The following PAXBP1 variants were observed in gnomAD, a reference collection of about 807,000 sequenced individuals.
PAXBP1 encodes the protein PAX3 and PAX7 binding protein 1, also known as PAX3- and PAX7-binding protein 1.
PAXBP1 carries 44 observed loss-of-function variants against 119.9 expected under a neutral mutation model. That is an observed-to-expected ratio of 0.37 (90% CI 0.29 to 0.47). The LOEUF (loss-of-function observed/expected upper bound fraction) is 0.47. Ranked by LOEUF, PAXBP1 falls within the 20% of genes least tolerant of loss-of-function variation. PAXBP1 has a pLI of 0.99. For synonymous variants in PAXBP1, 393 were observed against 406.6 expected, an observed-to-expected ratio of 0.97 and a Z score of 0.40; for missense variants, 898 against 1,134.1, an observed-to-expected ratio of 0.79 and a Z score of 2.99.
At chr21:32,768,505 C>T (rs146926279) in intron 2 of PAXBP1, among the ~76,000 whole-genome samples, 1 of 152,164 alleles carries the variant, frequency 6.6e-6, no homozygotes, top group Non-Finnish European at 1.5e-5. Context: ...CACTTCTCCC[C>T]CTAAAACAAC....
chr21:32,768,110 TGGG>T (rs1208342107), intron 2 of PAXBP1, among the ~76,000 whole-genome samples: 3 of 152,208 alleles, frequency 2.0e-5, no homozygotes, highest in African/African-American at 7.2e-5. Context: ...TATTAACAGG[TGGG>T]GCCCTTAAAT....
intron 4 of PAXBP1, among the ~76,000 whole-genome samples, chr21:32,761,526 TGA>T (rs1211754251): frequency 6.6e-6 from 1 of 152,234 alleles, no homozygotes; most frequent in Non-Finnish European, 1.5e-5. Context: ...TCAATGAACA[TGA>T]GTTATCACAA....
chr21:32,759,757 A>C lies in PAXBP1; in HGVS notation c.1193+20T>G. The C allele has an allele frequency of 1.9e-6, 3 of 1,589,986 alleles. No homozygotes were observed. The highest frequency in any genetic ancestry group is 1.7e-5 in the Admixed American group (1 of 59,900). Reference sequence around the variant, plus strand: ...ACAGAAAGCTAGCGGACAGGTCTTTAAGAAGTTGATCTGCCCTACCTGTCT... The same window carrying C: ...ACAGAAAGCTAGCGGACAGGTCTTTCAGAAGTTGATCTGCCCTACCTGTCT... On this transcript the variant is annotated intron_variant, in intron 6 of 17. Coordinates refer to ENST00000331923, the MANE Select transcript of PAXBP1 (RefSeq NM_016631.4).
chr21:32,761,270 T>C (rs1032859194), intron 4 of PAXBP1, 108 bp from the exon 5 acceptor site: 8 of 818,892 alleles, frequency 9.8e-6, no homozygotes, highest in Non-Finnish European at 1.6e-5. Context: ...TAACTCAATC[T>C]TACTAAAATG....
At position 32,755,215 on chromosome 21, in the gene PAXBP1, T is replaced by G; in HGVS notation, c.1507+15A>C. ...GTTGTTTAATGAATAATAAAAACCT[T>G]CAAGATGGACTGACTTGAATGGCTT... On this transcript the variant is annotated intron_variant, in intron 8 of 17. Coordinates refer to ENST00000331923, the MANE Select transcript of PAXBP1 (RefSeq NM_016631.4). 2 of 1,601,738 alleles carry G rather than the reference T, an allele frequency of 1.2e-6. No individual in the cohort carries two copies. The highest frequency in any genetic ancestry group is 1.7e-6 in the Non-Finnish European group (2 of 1,173,988).
In PAXBP1 at chr21:32,760,088, A is replaced by C. The variant is rs530733360; in HGVS notation, c.976-94T>G. The C allele has an allele frequency of 8.2e-6, 8 of 972,546 alleles. No individual in the cohort carries two copies. The East Asian group carries it at 1.8e-4, about 22-fold the overall frequency. The allele number at this position is 972,546 out of a possible 1,614,324, so 60.2% of individuals were successfully genotyped here. On this transcript the variant is annotated intron_variant, in intron 5 of 17. Coordinates refer to ENST00000331923, the MANE Select transcript of PAXBP1 (RefSeq NM_016631.4). ...GGTTAAAAAATCAACAGCAAAAATT[A>C]TACCTATTTGCCAAATATTATGTAA...
intron 2 of PAXBP1, among the ~76,000 whole-genome samples, chr21:32,766,606 A>G (rs1473697279): frequency 6.6e-6 from 1 of 152,216 alleles, no homozygotes; most frequent in East Asian, 1.9e-4. Context: ...CCAAGGAAGC[A>G]GTGTGGACCT....
chr21:32,764,524 C>T lies in PAXBP1; in HGVS notation c.473G>A (p.Ser158Asn), dbSNP rs140038172. ...IKTELNSSAE[S>N]EQPLDKTGHV... ...TCCTGTTTTGTCCAAAGGTTGTTCA[C>T]CTAAATTTTTGAAGAATTAAAATAT... Residue 158 changes from serine to asparagine, a missense_variant and splice_region_variant, in exon 3 of 18, where the codon AGT becomes AAT. Transcript: ENST00000331923. 65 of 1,571,528 alleles carry T rather than the reference C, an allele frequency of 4.1e-5. No individual in the cohort carries two copies. The highest frequency in any genetic ancestry group is 5.6e-5 in the Admixed American group (3 of 53,242).
intron 2 of PAXBP1, among the ~76,000 whole-genome samples, chr21:32,767,428 G>C (rs1324172966): frequency 2.0e-5 from 3 of 152,218 alleles, no homozygotes; most frequent in Non-Finnish European, 4.4e-5. Context: ...GAAGAGGTCA[G>C]AGATGGCTTC....
chr21:32,734,963 A>G lies in PAXBP1; in HGVS notation c.2741T>C (p.Ile914Thr). The G allele has an allele frequency of 2.5e-6, 4 of 1,613,276 alleles. No homozygotes were observed. Among genetic ancestry groups the G allele is most frequent in the Non-Finnish European group, 3.4e-6 (4 of 1,179,340 alleles). ...AGTCTCATAGATCTATTTTCCTTCG[A>G]TCAAAGACTTAAATTCTTTCACATT... ...DHNVKEFKSLIEGK is the reference protein window; with the variant it reads ...DHNVKEFKSLTEGK The change falls in exon 18 of 18, where the codon ATC (isoleucine) becomes ACC (threonine). Residue 914 changes from isoleucine (I) to threonine (T), a missense_variant. By Grantham distance (89) the Ile-to-Thr change is moderately conservative. This residue lies in a region of PAXBP1 where 599 missense variants were observed against 852.7 expected (regional missense o/e 0.70). Coordinates refer to ENST00000331923, the MANE Select transcript of PAXBP1 (RefSeq NM_016631.4).
chr21:32,763,762 G>C (rs2044190947), intron 3 of PAXBP1, among the ~76,000 whole-genome samples: 1 of 152,144 alleles, frequency 6.6e-6, no homozygotes, highest in Non-Finnish European at 1.5e-5. Context: ...GAGGCAGGCG[G>C]ATCACCTGAG....
intron 17 of PAXBP1, among the ~76,000 whole-genome samples, chr21:32,736,195 G>T (rs2043690044): frequency 6.6e-6 from 1 of 152,122 alleles, no homozygotes; most frequent in South Asian, 2.1e-4. Context: ...AATCTTTTTT[G>T]TTGTTGTTTT....
Position 32,771,706 on chromosome 21 carries a change from C to T in PAXBP1, c.-38G>A. The T allele has an allele frequency of 7.4e-7, 1 of 1,347,250 alleles. No homozygotes were observed. The highest frequency in any genetic ancestry group is 9.5e-7 in the Non-Finnish European group (1 of 1,049,708). The allele number at this position is 1,347,250 out of a possible 1,614,324, so 83.5% of individuals were successfully genotyped here. A position where few individuals can be genotyped will look rare whatever the true frequency, so the allele number is the denominator to read the frequency against. ...CACGGCGGTCGAATACTCGCTTCCA[C>T]ACCGCGGCCCCGGCAGCGCCGAGCT... is the stretch of plus-strand genomic sequence containing the variant. On this transcript the variant is annotated 5_prime_UTR_variant, in exon 1 of 18. It adds an upstream start codon to the 5' untranslated region. Coordinates refer to ENST00000331923, the MANE Select transcript of PAXBP1 (RefSeq NM_016631.4).
intron 11 of PAXBP1, 95 bp from the exon 12 acceptor site, chr21:32,745,813 G>A: frequency 1.4e-6 from 2 of 1,478,978 alleles, no homozygotes; most frequent in Non-Finnish European, 1.8e-6. Flanking sequence ...TTTAACCTTT[G>A]GTTGCAAACA....
At chr21:32,751,676 A>G (rs1264732524) in intron 8 of PAXBP1, 1 of 153,430 alleles carries the variant, frequency 6.5e-6, no homozygotes, top group African/African-American at 2.4e-5. Context: ...AGAGTTTAAT[A>G]AATTTATTGT....
At position 32,769,841 on chromosome 21, in the gene PAXBP1, T is replaced by C; in HGVS notation, c.445A>G (p.Lys149Glu). ...TCAGCTGATGAGTTGAGTTCTGTCTTAATCTTCGATTTTTCAAGATCTTCT... is the reference window on the plus strand; with the variant it reads ...TCAGCTGATGAGTTGAGTTCTGTCTCAATCTTCGATTTTTCAAGATCTTCT... ...YKEDLEKSKI[K>E]TELNSSAESE... Residue 149 changes from lysine (K) to glutamate (E), a missense_variant, in exon 2 of 18, where the codon AAG becomes GAG. Lys to Glu is a moderately conservative substitution (Grantham distance 56). Transcript: ENST00000331923. 5.0e-6 allele frequency: 8 copies of C among 1,602,568 alleles called. No homozygotes were observed. Among genetic ancestry groups the C allele is most frequent in the Non-Finnish European group, 5.9e-6 (7 of 1,176,918 alleles).
At chr21:32,766,281 T>C (rs1009821892) in intron 2 of PAXBP1, among the ~76,000 whole-genome samples, 5 of 152,208 alleles carry the variant, frequency 3.3e-5, no homozygotes, top group Admixed American at 6.5e-5. Flanking sequence ...AATTCACAAG[T>C]ATTTGCTTAT....
Position 32,744,861 on chromosome 21 carries a change from C to A in PAXBP1, c.2121G>T (p.Met707Ile). 1.2e-6 allele frequency: 2 copies of A among 1,606,344 alleles called. No homozygotes were observed. The highest frequency in any genetic ancestry group is 1.7e-6 in the Non-Finnish European group (2 of 1,176,506). The change falls in exon 13 of 18, where the codon ATG becomes ATT. Residue 707 changes from methionine (M) to isoleucine (I), a missense_variant. Met to Ile is a conservative substitution (Grantham distance 10). This residue lies in a region of PAXBP1 where 599 missense variants were observed against 852.7 expected (regional missense o/e 0.70). Coordinates refer to ENST00000331923, the MANE Select transcript of PAXBP1 (RefSeq NM_016631.4). ...TGATTAATTTTAGTGTAATTCCCACCATTCTTGAAGTCTGTGTTGTAGAAA... is the reference window on the plus strand; with the variant it reads ...TGATTAATTTTAGTGTAATTCCCACAATTCTTGAAGTCTGTGTTGTAGAAA... ...DPFSTTQTSRMVGITLKLING... is the reference protein window; with the variant it reads ...DPFSTTQTSRIVGITLKLING...
Position 32,769,829 on chromosome 21 carries a change from T to A in PAXBP1, c.457A>T (p.Asn153Tyr). ...TGGTACTTACTTTCAGCTGATGAGT[T>A]GAGTTCTGTCTTAATCTTCGATTTT... is the stretch of plus-strand genomic sequence containing the variant. ...LEKSKIKTEL[N>Y]SSAESEQPLD... Residue 153 changes from asparagine (N) to tyrosine (Y), a missense_variant, in exon 2 of 18, where the codon AAC becomes TAC. By Grantham distance (143) the Asn-to-Tyr change is moderately radical. This residue lies in a region of PAXBP1 where 299 missense variants were observed against 281.4 expected (regional missense o/e 1.06). Transcript: ENST00000331923. 1 of 1,602,202 alleles carries A rather than the reference T, an allele frequency of 6.2e-7. No homozygotes were observed. The highest frequency in any genetic ancestry group is 8.5e-7 in the Non-Finnish European group (1 of 1,177,160).
Sources: gnomAD v4.1 joint callset for allele counts (sites outside exome capture counted in the v4.1 genomes callset) on GRCh38, gnomAD v4.1.1 for gene constraint, gnomAD v4.1.1 regional missense constraint, MANE v1.5 for transcripts, NCBI Gene and HGNC (gene_info 2026-07-23, HGNC 2026-07-21) for gene names.